CDH12: variants seen among roughly 807,000 people sequenced by gnomAD.
CDH12 encodes the protein cadherin-12.
CDH12 carries 41 observed loss-of-function variants against 74.1 expected under a neutral mutation model. The ratio of observed to expected loss-of-function variants is 0.55; its 90% CI spans 0.43 to 0.72. The LOEUF (loss-of-function observed/expected upper bound fraction) is 0.72, where lower values mean the gene tolerates loss of function less well. Ranked by LOEUF, CDH12 falls within the 30% of genes least tolerant of loss-of-function variation. CDH12 has a pLI of 0.00. For synonymous variants in CDH12, 399 were observed against 355.0 expected (o/e 1.12, Z -1.39); for missense variants, 945 against 977.2 (o/e 0.97, Z 0.44).
chr5:22,234,608 A>C (rs1332081045), intron 3 of CDH12, among the ~76,000 whole-genome samples: 2 of 128,680 alleles, frequency 1.6e-5, no homozygotes, highest in African/African-American at 2.5e-5. Flanking sequence ...GCAGCATGAA[A>C]ATGCACTAAT....
intron 3 of CDH12, among the ~76,000 whole-genome samples, chr5:22,362,234 G>GA (rs1421056311): frequency 6.6e-6 from 1 of 151,778 alleles, no homozygotes; most frequent in Admixed American, 6.6e-5. Context: ...AAATTTACAA[G>GA]AAAAAAACAA....
intron 3 of CDH12, among the ~76,000 whole-genome samples, chr5:22,382,528 A>C (rs569557952): frequency 5.3e-5 from 8 of 151,680 alleles, no homozygotes; most frequent in Admixed American, 3.9e-4. Context: ...GCCACTGGTT[A>C]TGTAATACTT....
intron 4 of CDH12, among the ~76,000 whole-genome samples, chr5:22,179,747 C>T (rs1749535422): frequency 6.6e-6 from 1 of 152,172 alleles, no homozygotes; most frequent in South Asian, 2.1e-4. Flanking sequence ...AATAAACTCA[C>T]ACTTAAGTAA....
chr5:22,022,371 T>C lies in CDH12; in HGVS notation c.232-46986A>G, dbSNP rs116452779. ...CTTCACACACTCTCTCCTGCAGCCATGTGAATACATGGCTTGCTTCCCCTT... is the reference window on the plus strand; with the variant it reads ...CTTCACACACTCTCTCCTGCAGCCACGTGAATACATGGCTTGCTTCCCCTT... On this transcript the variant is annotated intron_variant, in intron 5 of 14. Transcript: ENST00000382254. Among the ~76,000 whole-genome samples, 773 of 152,238 alleles carry C rather than the reference T, an allele frequency of 5.1e-3. 4 individuals are homozygous for C. The highest frequency in any genetic ancestry group is 0.017 in the African/African-American group (718 of 41,558).
intron 4 of CDH12, among the ~76,000 whole-genome samples, chr5:22,082,558 C>T (rs1474954342): frequency 1.3e-5 from 2 of 152,150 alleles, no homozygotes; most frequent in East Asian, 1.9e-4. Flanking sequence ...CAGTTCAAAC[C>T]TTATAAATTG....
chr5:21,793,977 CT>C (rs986543335), intron 10 of CDH12, among the ~76,000 whole-genome samples: 2 of 150,516 alleles, frequency 1.3e-5, no homozygotes, highest in African/African-American at 4.9e-5. Context: ...GTTTCATATA[CT>C]TTGTGCAAAA....
At chr5:22,649,713 T>C (rs979911587) in intron 1 of CDH12, among the ~76,000 whole-genome samples, 1 of 152,012 alleles carries the variant, frequency 6.6e-6, no homozygotes, top group Non-Finnish European at 1.5e-5. Context: ...ACACTTTGCA[T>C]TGCTAATAGT....
At chr5:22,474,874 A>G (rs1298687696) in intron 2 of CDH12, among the ~76,000 whole-genome samples, 1 of 152,034 alleles carries the variant, frequency 6.6e-6, no homozygotes, top group African/African-American at 2.4e-5. Flanking sequence ...ATCACATAGA[A>G]TATTTCTCAT....
At chr5:22,685,277 G>A (rs766175102) in intron 1 of CDH12, among the ~76,000 whole-genome samples, 7 of 151,776 alleles carry the variant, frequency 4.6e-5, no homozygotes, top group South Asian at 2.1e-4. Context: ...TCGCCCTGTC[G>A]CCCAGTCTGG....
At chr5:22,162,581 A>G (rs1048802895) in intron 4 of CDH12, among the ~76,000 whole-genome samples, 1 of 152,170 alleles carries the variant, frequency 6.6e-6, no homozygotes, top group Admixed American at 6.5e-5. Context: ...GACAAGAATC[A>G]CATGTGGCTT....
intron 1 of CDH12, among the ~76,000 whole-genome samples, chr5:22,824,790 T>C (rs1339388594): frequency 6.6e-6 from 1 of 151,838 alleles, no homozygotes; most frequent in Non-Finnish European, 1.5e-5. Context: ...GATTGTCAGA[T>C]TGTATTTTAA....
intron 3 of CDH12, among the ~76,000 whole-genome samples, chr5:22,239,564 G>C (rs1458882292): frequency 6.6e-6 from 1 of 152,168 alleles, no homozygotes; most frequent in Admixed American, 6.5e-5. Flanking sequence ...AATACATAGT[G>C]AGATGTAACA....
intron 3 of CDH12, among the ~76,000 whole-genome samples, chr5:22,294,008 T>C (rs978641925): frequency 7.9e-5 from 12 of 152,120 alleles, no homozygotes; most frequent in African/African-American, 2.9e-4. Context: ...TGTGAGGTAA[T>C]GCATATGTTA....
At chr5:22,529,144 T>TGCATGCAAA (rs1737437916) in intron 1 of CDH12, among the ~76,000 whole-genome samples, 8 of 135,106 alleles carry the variant, frequency 5.9e-5, no homozygotes, top group African/African-American at 1.8e-4. Context: ...TGCATATATA[T>TGCATGCAAA]ACACATATAT....
At chr5:22,592,281 T>C (rs971210041) in intron 1 of CDH12, among the ~76,000 whole-genome samples, 2 of 152,174 alleles carry the variant, frequency 1.3e-5, no homozygotes, top group African/African-American at 4.8e-5. Flanking sequence ...AGGCTGTACT[T>C]TCGGCATGTT....
chr5:22,463,226 T>C (rs1188569513), intron 2 of CDH12, among the ~76,000 whole-genome samples: 2 of 151,792 alleles, frequency 1.3e-5, no homozygotes, highest in Non-Finnish European at 2.9e-5. Flanking sequence ...CACAATTACA[T>C]TTGTGTGTGT....
intron 1 of CDH12, among the ~76,000 whole-genome samples, chr5:22,526,477 C>T (rs954747704): frequency 6.6e-5 from 10 of 152,122 alleles, no homozygotes; most frequent in African/African-American, 1.2e-4. Flanking sequence ...TTTAGTGGTC[C>T]TTATTGATGG....
rs145167591 is a variant in CDH12, at chr5:22,406,816, T to C, written c.-427-1465A>G. ...AAAAGTACACTTAAAGGGAACAATA[T>C]GGGGAACAATATGCATCACAGTTGA... On this transcript the variant is annotated intron_variant, in intron 2 of 14. Coordinates refer to ENST00000382254, the MANE Select transcript of CDH12 (RefSeq NM_004061.5). Among the ~76,000 whole-genome samples the C allele has an allele frequency of 2.6e-5, 4 of 152,156 alleles. No individual in the cohort carries two copies. The East Asian group carries it at 5.8e-4, about 22-fold the overall frequency.
chr5:22,073,766 T>C (rs1050527943), intron 5 of CDH12, among the ~76,000 whole-genome samples: 28 of 151,772 alleles, frequency 1.8e-4, no homozygotes, highest in African/African-American at 6.5e-4. Flanking sequence ...ATCTGATTCT[T>C]TAAATACAAG....
Sources: gnomAD v4.1 joint callset for allele counts (sites outside exome capture counted in the v4.1 genomes callset) on GRCh38, gnomAD v4.1.1 for gene constraint, MANE v1.5 for transcripts, NCBI Gene and HGNC (gene_info 2026-07-23, HGNC 2026-07-21) for gene names.